INTS2: variants seen among roughly 807,000 people sequenced by gnomAD.
INTS2 encodes the protein integrator complex subunit 2, also known as KIAA1287.
In INTS2, 57 loss-of-function variants were observed where a neutral mutation model predicts 139.6. The observed-to-expected ratio is 0.41, with a 90% confidence interval of 0.33 to 0.51. INTS2 has a LOEUF of 0.51. INTS2 is among the 20% of genes least tolerant of loss of function. INTS2 has a pLI of 0.28. For synonymous variants in INTS2, 473 were observed against 493.4 expected (o/e 0.96, Z 0.55); for missense variants, 1,196 against 1,436.7 (o/e 0.83, Z 2.71).
intron 11 of INTS2, among the ~76,000 whole-genome samples, chr17:61,896,875 T>C (rs555066464): frequency 1.3e-5 from 2 of 152,308 alleles, no homozygotes; most frequent in South Asian, 2.1e-4. Context: ...CACCTTAACA[T>C]AGTCATACAC....
Position 61,893,476 on chromosome 17 carries a change from A to G in INTS2, c.1698+289T>C, listed in dbSNP as rs9910067. Among the ~76,000 whole-genome samples, 12,935 of 152,078 alleles carry G rather than the reference A, an allele frequency of 0.085. 1,853 individuals carry two copies. Among genetic ancestry groups the G allele is most frequent in the African/African-American group, 0.29 (12,102 of 41,416 alleles). ...TTTGGTCGGTTGAGACAGGCATATCACTTGAGGTCAGGAGTTCGACACCAG... is the reference window on the plus strand; with the variant it reads ...TTTGGTCGGTTGAGACAGGCATATCGCTTGAGGTCAGGAGTTCGACACCAG... On this transcript the variant is annotated intron_variant, in intron 13 of 24. Transcript: ENST00000251334. The surrounding 1 kb of genome is among the most constrained non-coding windows in gnomAD (Gnocchi z 5.4).
Position 61,907,625 on chromosome 17 carries a change from C to T in INTS2, c.964G>A (p.Glu322Lys). 3 of 1,576,440 alleles carry T rather than the reference C, an allele frequency of 1.9e-6. No individual in the cohort carries two copies. In the African/African-American group the frequency reaches 4.0e-5, roughly 21 times the overall value. ...TGCCAAAGGACAGAACTGCTGGTCTCTCTTTTTCTCTGAAAGAAATATGGA... is the reference window on the plus strand; with the variant it reads ...TGCCAAAGGACAGAACTGCTGGTCTTTCTTTTTCTCTGAAAGAAATATGGA... ...FIRNGQQRKR[E>K]TSSSVLWQMR... The change falls in exon 8 of 25, where the codon GAG becomes AAG. Residue 322 changes from glutamate to lysine, a missense_variant. This residue lies in a region of INTS2 where 1,129 missense variants were observed against 1,341.9 expected (regional missense o/e 0.84). Transcript: ENST00000251334.
In INTS2 at chr17:61,885,223, T is replaced by C. The variant is rs9890276; in HGVS notation, c.1985-218A>G. The C allele has an allele frequency of 0.047, 25,624 of 540,296 alleles. 4,984 individuals carry two copies. Among genetic ancestry groups the C allele is most frequent in the African/African-American group, 0.43 (22,312 of 52,372 alleles). 33.5% of individuals were successfully genotyped at this position (540,296 alleles called of 1,614,324 possible). On this transcript the variant is annotated intron_variant, in intron 15 of 24. Coordinates refer to ENST00000251334, the MANE Select transcript of INTS2 (RefSeq NM_001351695.2). ...GCAAGATCTGGAAAATGTCCTGAAA[T>C]TTAAAACTAGACAGAAGAAAATTCA...
intron 12 of INTS2, 150 bp downstream of exon 12, chr17:61,895,165 C>CT: frequency 1.7e-6 from 1 of 574,072 alleles, no homozygotes; most frequent in Non-Finnish European, 3.1e-6. Flanking sequence ...ATGGATTATT[C>CT]TTTAAGAAAG....
In INTS2 at chr17:61,924,867, A is replaced by C. The variant is rs558832534; in HGVS notation, c.432+94T>G. ...ACAAAATAAGAGTAGAGGAGAATTC[A>C]ACCTGCCTGACTTCTTGTCTCTTTT... On this transcript the variant is annotated intron_variant, in intron 3 of 24. Coordinates refer to ENST00000251334, the MANE Select transcript of INTS2 (RefSeq NM_001351695.2). 1,495 of 1,305,574 alleles carry C rather than the reference A, an allele frequency of 1.1e-3. 1 individual carries two copies. The highest frequency in any genetic ancestry group is 1.5e-3 in the Non-Finnish European group (1,419 of 933,884). The allele number at this position is 1,305,574 out of a possible 1,614,324, so 80.9% of individuals were successfully genotyped here. A position where few individuals can be genotyped will look rare whatever the true frequency, so the allele number is the denominator to read the frequency against.
At position 61,870,802 on chromosome 17, in the gene INTS2, T is replaced by C. The variant is rs1360898627; in HGVS notation, c.2779-814A>G. ...GAGTTTTTGGTTATTGTTATTGTTA[T>C]TGTTTTGTTTTCTTTTGTTGTTGTT... On this transcript the variant is annotated intron_variant, in intron 20 of 24. Coordinates refer to ENST00000251334, the MANE Select transcript of INTS2 (RefSeq NM_001351695.2). The surrounding 1 kb of genome is among the most constrained non-coding windows in gnomAD (Gnocchi z 4.4). 6.6e-6 allele frequency among the ~76,000 whole-genome samples: 1 copy of C among 152,140 alleles called. No individual in the cohort carries two copies. The highest frequency in any genetic ancestry group is 2.4e-5 in the African/African-American group (1 of 41,430).
rs550923751 is a variant in INTS2, at chr17:61,885,269, T to C, written c.1985-264A>G. The C allele has an allele frequency of 6.9e-4, 319 of 462,506 alleles. 1 individual carries two copies. The highest frequency in any genetic ancestry group is 6.8e-4 in the Non-Finnish European group (178 of 261,956). The allele number at this position is 462,506 out of a possible 1,614,324, so 28.7% of individuals were successfully genotyped here. On this transcript the variant is annotated intron_variant, in intron 15 of 24. Coordinates refer to ENST00000251334, the MANE Select transcript of INTS2 (RefSeq NM_001351695.2). ...ATTCATAACAGGTTGAGAGAAGCCA[T>C]GTGCAAAAGTGCCCTACACTAAAAG...
In INTS2 at chr17:61,893,227, A is replaced by G. The variant is rs2079314012; in HGVS notation, c.1698+538T>C. 6.6e-6 allele frequency among the ~76,000 whole-genome samples: 1 copy of G among 152,066 alleles called. No homozygotes were observed. Among genetic ancestry groups the G allele is most frequent in the Admixed American group, 6.6e-5 (1 of 15,260 alleles). On this transcript the variant is annotated intron_variant, in intron 13 of 24. Coordinates refer to ENST00000251334, the MANE Select transcript of INTS2 (RefSeq NM_001351695.2). This position sits in a 1 kb window ranked among gnomAD's most constrained non-coding sequence, Gnocchi z 5.4. ...TTTGAAAATCTTACATTGTTTTAAA[A>G]ATCTGAAATTACTGTATAATTATAT...
At chr17:61,906,540 T>C (rs1014193176) in intron 8 of INTS2, among the ~76,000 whole-genome samples, 1 of 152,216 alleles carries the variant, frequency 6.6e-6, no homozygotes, top group Non-Finnish European at 1.5e-5. Flanking sequence ...TAATGTATCA[T>C]GGCAACTGAA....
rs941606927 is a variant in INTS2, at chr17:61,867,392, G to A, written c.*165C>T. On this transcript the variant is annotated 3_prime_UTR_variant, in exon 25 of 25. Coordinates refer to ENST00000251334, the MANE Select transcript of INTS2 (RefSeq NM_001351695.2). The surrounding 1 kb of genome is among the most constrained non-coding windows in gnomAD (Gnocchi z 5.6). ...AGATGTGCCAATCAGAAACAAGCAA[G>A]CATAATTCTCATAAAGTTCTAAACT... 17 of 432,738 alleles carry A rather than the reference G, an allele frequency of 3.9e-5. No individual in the cohort carries two copies. Among genetic ancestry groups the A allele is most frequent in the Non-Finnish European group, 6.9e-5 (17 of 246,792 alleles). The allele number at this position is 432,738 out of a possible 1,614,324, so 26.8% of individuals were successfully genotyped here.
intron 4 of INTS2, among the ~76,000 whole-genome samples, chr17:61,920,198 T>G (rs549904734): frequency 0.014 from 2,032 of 150,032 alleles, 10 homozygotes; most frequent in Non-Finnish European, 0.022. Context: ...TTTTTTTTTT[T>G]GCGACGAAGT....
At chr17:61,896,743 G>A (rs1317332143) in intron 11 of INTS2, among the ~76,000 whole-genome samples, 2 of 151,754 alleles carry the variant, frequency 1.3e-5, no homozygotes, top group Non-Finnish European at 2.9e-5. Flanking sequence ...AATTTGCAAA[G>A]ATTAAAAAAA....
At chr17:61,885,458 A>G (rs2079217897) in intron 15 of INTS2, among the ~76,000 whole-genome samples, 1 of 143,590 alleles carries the variant, frequency 7.0e-6, no homozygotes, top group Admixed American at 7.1e-5. Context: ...CTTTTTGCCC[A>G]GGCTAGAGTG....
intron 3 of INTS2, among the ~76,000 whole-genome samples, chr17:61,922,087 T>C (rs1034900632): frequency 6.6e-6 from 1 of 152,142 alleles, no homozygotes; most frequent in African/African-American, 2.4e-5. Context: ...AATTAAAGGA[T>C]AAGGCAAGCC....
chr17:61,916,608 T>G (rs1365078744), intron 5 of INTS2, among the ~76,000 whole-genome samples: 2 of 152,120 alleles, frequency 1.3e-5, no homozygotes, highest in Admixed American at 1.3e-4. Flanking sequence ...TGCAGAAGAA[T>G]GAAACTAGAC....
chr17:61,895,519 T>C (rs1458620754), intron 11 of INTS2, 136 bp from the exon 12 acceptor site: 2 of 502,378 alleles, frequency 4.0e-6, no homozygotes, highest in Admixed American at 4.3e-5. Context: ...TTAGAAGTGC[T>C]TTCCCAAACC....
In INTS2 at chr17:61,869,976, C is replaced by T. The variant is rs563606143; in HGVS notation, c.2791G>A (p.Val931Ile). ...ALLAAQDSAA[V>I]QILLEICLPT... ...AGGCAAATCTCTAAGAGAATCTGGA[C>T]AGCTGCACTATCCTATAAGCAAACA... The change falls in exon 21 of 25, where the codon GTC becomes ATC. Residue 931 changes from valine (V) to isoleucine (I), a missense_variant. Physicochemically the swap from Val to Ile is conservative, Grantham distance 29. Coordinates refer to ENST00000251334, the MANE Select transcript of INTS2 (RefSeq NM_001351695.2). The surrounding 1 kb of genome is among the most constrained non-coding windows in gnomAD (Gnocchi z 5.4). 1.9e-6 allele frequency: 3 copies of T among 1,613,152 alleles called. No individual in the cohort carries two copies. The highest frequency in any genetic ancestry group is 2.2e-5 in the South Asian group (2 of 91,064).
In INTS2 at chr17:61,873,171, A is replaced by G. The variant is rs1204598100; in HGVS notation, c.2583-711T>C. On this transcript the variant is annotated intron_variant, in intron 19 of 24. Coordinates refer to ENST00000251334, the MANE Select transcript of INTS2 (RefSeq NM_001351695.2). The surrounding 1 kb of genome is among the most constrained non-coding windows in gnomAD (Gnocchi z 4.0). ...TAAAAGCAAAAAGTAGAAATAAAAT[A>G]TCCTAGGGGATTGGGTTAAGCATAG... 1.3e-5 allele frequency among the ~76,000 whole-genome samples: 2 copies of G among 152,174 alleles called. No individual in the cohort carries two copies. The highest frequency in any genetic ancestry group is 2.9e-5 in the Non-Finnish European group (2 of 68,038).
At chr17:61,919,745 T>TA (rs1349052600) in intron 4 of INTS2, among the ~76,000 whole-genome samples, 2 of 152,182 alleles carry the variant, frequency 1.3e-5, no homozygotes, top group East Asian at 3.9e-4. Flanking sequence ...TTTTTCTTCT[T>TA]TAAGACAGGG....
Sources: gnomAD v4.1 joint callset for allele counts (sites outside exome capture counted in the v4.1 genomes callset) on GRCh38, gnomAD v4.1.1 for gene constraint, gnomAD v4.1.1 regional missense constraint, Gnocchi (gnomAD v3.1) non-coding constraint, MANE v1.5 for transcripts, NCBI Gene and HGNC (gene_info 2026-07-23, HGNC 2026-07-21) for gene names.